NDNF: variants seen among roughly 807,000 people sequenced by gnomAD.
NDNF encodes the protein protein NDNF.
NDNF carries 16 observed loss-of-function variants against 42.0 expected under a neutral mutation model. The observed-to-expected ratio is 0.38, with a 90% CI of 0.26 to 0.58. The LOEUF (loss-of-function observed/expected upper bound fraction) is 0.58. Among genes scored for constraint, NDNF ranks in the 20% least tolerant of loss-of-function variants. The pLI is 0.67. For synonymous variants in NDNF, 248 were observed against 251.7 expected, an observed-to-expected ratio of 0.99 and a Z score of 0.14; for missense variants, 616 against 666.2, an observed-to-expected ratio of 0.92 and a Z score of 0.83.
chr4:121,066,830 A>AT, intron 1 of NDNF, among the ~76,000 whole-genome samples: 1 of 152,280 alleles, frequency 6.6e-6, no homozygotes, highest in South Asian at 2.1e-4. Flanking sequence ...TATAGTCCAT[A>AT]TTTTTGGCTA....
chr4:121,039,172 A>T (rs1305499140), intron 3 of NDNF, among the ~76,000 whole-genome samples: 437 of 17,760 alleles, frequency 0.025, 23 homozygotes, highest in Non-Finnish European at 0.076. Context: ...TATATATATA[A>T]AGACTATGTG....
At chr4:121,043,597 C>T (rs966183064) in intron 2 of NDNF, among the ~76,000 whole-genome samples, 8 of 151,974 alleles carry the variant, frequency 5.3e-5, no homozygotes, top group Non-Finnish European at 1.0e-4. Context: ...AAAAACATGG[C>T]GCTTTACTTT....
At chr4:121,046,391 C>A (rs1375731865) in intron 1 of NDNF, among the ~76,000 whole-genome samples, 1 of 152,172 alleles carries the variant, frequency 6.6e-6, no homozygotes, top group South Asian at 2.1e-4. Flanking sequence ...TAAAATCTGA[C>A]TAGGGGTTAT....
chr4:121,051,487 A>G (rs1386103407), intron 1 of NDNF, among the ~76,000 whole-genome samples: 4 of 152,190 alleles, frequency 2.6e-5, no homozygotes, highest in African/African-American at 4.8e-5. Flanking sequence ...AAAATGGTCA[A>G]TGGTAAGCAA....
chr4:121,064,370 C>T (rs900310482), intron 1 of NDNF, among the ~76,000 whole-genome samples: 10 of 151,982 alleles, frequency 6.6e-5, no homozygotes, highest in African/African-American at 2.4e-4. Flanking sequence ...TTGTGAAATT[C>T]AAAGCATGGA....
intron 1 of NDNF, among the ~76,000 whole-genome samples, chr4:121,058,611 G>A (rs889929307): frequency 2.6e-5 from 4 of 152,236 alleles, no homozygotes; most frequent in African/African-American, 2.4e-5. Flanking sequence ...GTGCAGCAGC[G>A]CAATCTTTCC....
chr4:121,067,330 A>G (rs2148773221), intron 1 of NDNF, among the ~76,000 whole-genome samples: 1 of 152,318 alleles, frequency 6.6e-6, no homozygotes, highest in African/African-American at 2.4e-5. Flanking sequence ...TAGAGTTTTC[A>G]TAAGTGAAGC....
chr4:121,041,679 G>A (rs1399104065), intron 2 of NDNF, among the ~76,000 whole-genome samples: 2 of 152,172 alleles, frequency 1.3e-5, no homozygotes, highest in Admixed American at 6.5e-5. Flanking sequence ...TTCGGAGGTG[G>A]TGAAAGTGGA....
chr4:121,053,102 G>GTTTATTGTGT (rs1727228058), intron 1 of NDNF, among the ~76,000 whole-genome samples: 1 of 152,176 alleles, frequency 6.6e-6, no homozygotes, highest in African/African-American at 2.4e-5. Context: ...AGTACACAGT[G>GTTTATTGTGT]ACATGATTAT....
intron 1 of NDNF, among the ~76,000 whole-genome samples, chr4:121,049,245 C>T (rs1434363741): frequency 1.3e-5 from 2 of 152,224 alleles, no homozygotes; most frequent in Non-Finnish European, 1.5e-5. Context: ...AGCAGAAGTA[C>T]TGACTGCTTT....
At chr4:121,051,075 G>A (rs776717521) in intron 1 of NDNF, among the ~76,000 whole-genome samples, 31 of 152,184 alleles carry the variant, frequency 2.0e-4, no homozygotes, top group Non-Finnish European at 1.5e-4. Flanking sequence ...TGGAGTTAAG[G>A]CAAATAAGTA....
chr4:121,060,905 C>T lies in NDNF; in HGVS notation c.-2+11088G>A, dbSNP rs555995345. Among the ~76,000 whole-genome samples the T allele has an allele frequency of 3.3e-5, 5 of 152,210 alleles. No homozygotes were observed. The South Asian group carries it at 1.0e-3, about 32-fold the overall frequency. ...TGGCCTCCAGTGCCAAAGTACAAGA[C>T]AAAACCAAAATAGTAATTTTTAAAA... is the stretch of plus-strand genomic sequence containing the variant. On this transcript the variant is annotated intron_variant, in intron 1 of 3. Coordinates refer to ENST00000379692, the MANE Select transcript of NDNF (RefSeq NM_024574.4).
chr4:121,062,362 G>A (rs1727427360), intron 1 of NDNF, among the ~76,000 whole-genome samples: 2 of 152,166 alleles, frequency 1.3e-5, no homozygotes, highest in African/African-American at 4.8e-5. Context: ...GGGCTTTTTA[G>A]GCACTATATC....
chr4:121,036,378 T>A lies in NDNF; in HGVS notation c.1593A>T (p.Thr531=). The change falls in exon 4 of 4, where the codon ACA becomes ACT. Residue 531 remains threonine, a synonymous_variant. Coordinates refer to ENST00000379692, the MANE Select transcript of NDNF (RefSeq NM_024574.4). The part of the protein sequence containing the change: ...QNLQKAVTTE[T]IKGLQPGKSY... ...ATTTGCCAGGCTGAAGACCTTTAATTGTTTCTGTGGTCACTGCTTTCTGCA... is the reference window on the plus strand; with the variant it reads ...ATTTGCCAGGCTGAAGACCTTTAATAGTTTCTGTGGTCACTGCTTTCTGCA... 5 of 1,614,188 alleles carry A rather than the reference T, an allele frequency of 3.1e-6. No individual in the cohort carries two copies. Among genetic ancestry groups the A allele is most frequent in the Non-Finnish European group, 4.2e-6 (5 of 1,180,018 alleles).
intron 1 of NDNF, among the ~76,000 whole-genome samples, chr4:121,067,929 A>G (rs140599930): frequency 6.6e-5 from 10 of 152,350 alleles, no homozygotes; most frequent in Non-Finnish European, 1.2e-4. Context: ...GCAGCCAAGG[A>G]TACACCTGCT....
intron 1 of NDNF, among the ~76,000 whole-genome samples, chr4:121,065,281 A>G (rs1484858626): frequency 6.6e-6 from 1 of 151,914 alleles, no homozygotes; most frequent in Non-Finnish European, 1.5e-5. Context: ...CTATAAATAG[A>G]TCTTCTGGTA....
chr4:121,063,206 C>T (rs980982945), intron 1 of NDNF, among the ~76,000 whole-genome samples: 4 of 152,112 alleles, frequency 2.6e-5, no homozygotes, highest in Non-Finnish European at 5.9e-5. Context: ...CTAATTGCTA[C>T]TAATTTCACA....
intron 1 of NDNF, among the ~76,000 whole-genome samples, chr4:121,056,899 A>C (rs1439423006): frequency 6.6e-6 from 1 of 152,248 alleles, no homozygotes. Flanking sequence ...CCAGTGATGT[A>C]GTAAGCGATA....
intron 3 of NDNF, 21 bp from the exon 4 acceptor site, chr4:121,037,678 A>G (rs769442403): frequency 1.3e-6 from 2 of 1,548,442 alleles, no homozygotes; most frequent in Non-Finnish European, 8.7e-7. Flanking sequence ...CAGGAGAAGC[A>G]CAGGCTACTG....
Sources: allele counts gnomAD v4.1 joint callset (sites outside exome capture counted in the v4.1 genomes callset), GRCh38; gene constraint gnomAD v4.1.1; transcripts MANE v1.5; gene names NCBI Gene and HGNC (gene_info 2026-07-23, HGNC 2026-07-21).